RBBP7: variants seen among roughly 807,000 people sequenced by gnomAD.
The protein encoded by RBBP7 is histone-binding protein RBBP7.
Under a neutral mutation model 35.2 loss-of-function variants are expected in RBBP7, and 5 were observed. The ratio of observed to expected loss-of-function variants is 0.14; its 90% CI spans 0.07 to 0.30. The LOEUF (loss-of-function observed/expected upper bound fraction) is 0.30. Ranked by LOEUF, RBBP7 falls within the 10% of genes least tolerant of loss-of-function variation. The pLI, the probability that RBBP7 is intolerant of heterozygous loss-of-function variation, is 1.00. For missense variants in RBBP7, 155 were observed against 327.5 expected (o/e 0.47, Z 4.07); for synonymous variants, 140 against 118.7 (o/e 1.18, Z -1.17).
chrX:16,850,694 G>A (rs937753904), intron 9 of RBBP7, among the ~76,000 whole-genome samples: 1 of 112,113 alleles, frequency 8.9e-6, no homozygotes, highest in Non-Finnish European at 1.9e-5. Context: ...TATATACTGA[G>A]GATTACTGCC....
chrX:16,869,382 A>G, intron 1 of RBBP7, 162 bp from the exon 2 acceptor site: 1 of 1,052,955 alleles, frequency 9.5e-7, no homozygotes, highest in Non-Finnish European at 1.3e-6. Context: ...GAAAATACTA[A>G]CAATCAGGAA....
At position 16,852,815 on chromosome X, in the gene RBBP7, G is replaced by C; in HGVS notation, c.819C>G (p.Ala273=). 1 of 1,211,824 alleles carries C rather than the reference G, an allele frequency of 8.3e-7. No individual in the cohort carries two copies. The part of the protein sequence containing the change: ...KPSHLVDAHT[A]EVNCLSFNPY... ...GATTGAATGAGAGGCAGTTGACTTC[G>C]GCAGTGTGCGCATCCACCAAGTGAC... The change falls in exon 7 of 12, where the codon GCC becomes GCG. Residue 273 remains alanine, a synonymous_variant. Coordinates refer to ENST00000380087, the MANE Select transcript of RBBP7 (RefSeq NM_002893.4).
chrX:16,864,366 A>C, intron 2 of RBBP7, among the ~76,000 whole-genome samples: 1 of 110,032 alleles, frequency 9.1e-6, no homozygotes, highest in Middle Eastern at 4.6e-3. Context: ...TTAAAAATAC[A>C]AAATTAGCCG....
intron 10 of RBBP7, 66 bp from the exon 11 acceptor site, chrX:16,846,004 C>A: frequency 8.6e-7 from 1 of 1,158,702 alleles, no homozygotes; most frequent in Non-Finnish European, 1.2e-6. Context: ...AAAGGTTTTA[C>A]TAAGTTTTTA....
intron 3 of RBBP7, among the ~76,000 whole-genome samples, chrX:16,860,546 G>A (rs1455130924): frequency 2.8e-5 from 3 of 109,085 alleles, no homozygotes; most frequent in African/African-American, 1.0e-4. Context: ...AAATCAGCTA[G>A]GTGTGGTGGC....
intron 10 of RBBP7, chrX:16,846,354 C>A (rs1195253724): frequency 8.7e-6 from 1 of 115,603 alleles, no homozygotes; most frequent in African/African-American, 3.2e-5. Flanking sequence ...GTGCAAACAT[C>A]TAAGGTAATC....
Position 16,853,726 on chromosome X carries a change from G to A in RBBP7, c.714C>T (p.His238=), listed in dbSNP as rs150009710. The change falls in exon 6 of 12, where the codon CAC becomes CAT. Residue 238 remains histidine, a synonymous_variant. Transcript: ENST00000380087. ...CAGCAACAGATCCAAACAATGACTCGTGCAGCAGGTGCCAGGCCACATCCT... is the reference window on the plus strand; with the variant it reads ...CAGCAACAGATCCAAACAATGACTCATGCAGCAGGTGCCAGGCCACATCCT... ...VVEDVAWHLL[H]ESLFGSVADD... The A allele has an allele frequency of 8.5e-6, 10 of 1,178,323 alleles. No individual in the cohort carries two copies. Among genetic ancestry groups the A allele is most frequent in the African/African-American group, 3.6e-5 (2 of 55,051 alleles).
At position 16,845,951 on chromosome X, in the gene RBBP7, CA is replaced by C. The variant is rs1930066393; in HGVS notation, c.1099-14del. On this transcript the variant is annotated splice_polypyrimidine_tract_variant and intron_variant, in intron 10 of 11. Coordinates refer to ENST00000380087, the MANE Select transcript of RBBP7 (RefSeq NM_002893.4). ...CTCCATGAATAAACTGTTACAAGAA[CA>C]AAAAAAGCTTTGATTTCATATACTC... The C allele has an allele frequency of 8.4e-7, 1 of 1,197,553 alleles. No homozygotes were observed. The highest frequency in any genetic ancestry group is 1.1e-6 in the Non-Finnish European group (1 of 890,897).
At chrX:16,869,690 C>A (rs1438741307) in intron 1 of RBBP7, 35 of 1,032,734 alleles carry the variant, frequency 3.4e-5, no homozygotes, top group Non-Finnish European at 4.2e-5. Context: ...GACCCCGAGG[C>A]GGTCAACGCG....
chrX:16,863,934 T>C (rs1930532679), intron 2 of RBBP7, among the ~76,000 whole-genome samples: 1 of 111,028 alleles, frequency 9.0e-6, no homozygotes, highest in Non-Finnish European at 1.9e-5. Flanking sequence ...CCCACTTCAA[T>C]GAAGAGGACT....
At chrX:16,861,203 C>A (rs1232924288) in intron 3 of RBBP7, among the ~76,000 whole-genome samples, 2 of 112,176 alleles carry the variant, frequency 1.8e-5, no homozygotes, top group Non-Finnish European at 3.8e-5. Context: ...CACAAAAAAA[C>A]CCCAATATTT....
Position 16,869,417 on chromosome X carries a change from T to C in RBBP7, c.17-197A>G, listed in dbSNP as rs187338008. 3.2e-3 allele frequency: 3,569 copies of C among 1,101,458 alleles called. 13 individuals are homozygous for C. The highest frequency in any genetic ancestry group is 4.7e-3 in the Middle Eastern group (19 of 4,063). 90.8% of individuals were successfully genotyped at this position (1,101,458 alleles called of 1,213,427 possible). On this transcript the variant is annotated intron_variant, in intron 1 of 11. Coordinates refer to ENST00000380087, the MANE Select transcript of RBBP7 (RefSeq NM_002893.4). ...AGCCTATTTTTTCCATTGAGATCAA[T>C]ACCCCCTGCGTACACCATGTTGGGT...
At chrX:16,850,653 A>G (rs5969753) in intron 9 of RBBP7, among the ~76,000 whole-genome samples, 5,306 of 112,721 alleles carry the variant, frequency 0.047, 328 homozygotes, top group African/African-American at 0.16. Flanking sequence ...TAAGTTTTAC[A>G]TACAAGCATT....
chrX:16,849,837 A>G (rs912594804), intron 9 of RBBP7, among the ~76,000 whole-genome samples: 1 of 112,518 alleles, frequency 8.9e-6, no homozygotes, highest in Non-Finnish European at 1.9e-5. Context: ...GGAGTAAAAT[A>G]TAATTACAAA....
At chrX:16,847,857 T>G (rs1486537706) in intron 10 of RBBP7, 1 of 111,052 alleles carries the variant, frequency 9.0e-6, no homozygotes, top group African/African-American at 3.3e-5. Context: ...GGAGCCACCA[T>G]GCCCAGGCCC....
Position 16,853,985 on chromosome X carries a change from C to T in RBBP7, c.598-143G>A, listed in dbSNP as rs749033677. 38 of 433,416 alleles carry T rather than the reference C, an allele frequency of 8.8e-5. 2 individuals carry two copies. The South Asian group carries it at 2.9e-3, about 33-fold the overall frequency. 35.7% of individuals were successfully genotyped at this position (433,416 alleles called of 1,213,427 possible). On this transcript the variant is annotated intron_variant, in intron 5 of 11. Transcript: ENST00000380087. ...GCAGCCTCCGCCTCCAGGGCTCAAG[C>T]GATTCTCCTGCCTCAGCCTCCTGAG...
At chrX:16,857,479 C>A in intron 5 of RBBP7, 115 bp downstream of exon 5, 1 of 1,087,174 alleles carries the variant, frequency 9.2e-7, no homozygotes, top group Non-Finnish European at 1.2e-6. Context: ...AATGTTACCA[C>A]AATAATCAGC....
At chrX:16,860,876 G>C (rs1930459859) in intron 3 of RBBP7, among the ~76,000 whole-genome samples, 1 of 109,405 alleles carries the variant, frequency 9.1e-6, no homozygotes, top group African/African-American at 3.3e-5. Flanking sequence ...AAAAATTTCT[G>C]ATTACAATAT....
At chrX:16,869,574 CA>C (rs1461614589) in intron 1 of RBBP7, 6 of 1,164,863 alleles carry the variant, frequency 5.2e-6, no homozygotes, top group Non-Finnish European at 6.9e-6. Context: ...CAGAAGCCCA[CA>C]GGCCTGGTCT....
Sources: gnomAD v4.1 joint callset for allele counts (sites outside exome capture counted in the v4.1 genomes callset) on GRCh38, gnomAD v4.1.1 for gene constraint, MANE v1.5 for transcripts, NCBI Gene and HGNC (gene_info 2026-07-23, HGNC 2026-07-21) for gene names.